The following VWC2L variants were observed in gnomAD, a reference collection of about 807,000 sequenced individuals.
The protein encoded by VWC2L is von Willebrand factor C domain containing 2 like.
VWC2L carries 10 observed loss-of-function variants against 21.6 expected under a neutral mutation model. The ratio of observed to expected loss-of-function variants is 0.46; its 90% confidence interval spans 0.29 to 0.78. The LOEUF (loss-of-function observed/expected upper bound fraction) is 0.78, where lower values mean the gene tolerates loss of function less well. Ranked by LOEUF, VWC2L falls within the 30% of genes least tolerant of loss-of-function variation. The pLI is 0.10. For missense variants in VWC2L, 209 were observed against 277.1 expected, an observed-to-expected ratio of 0.75 and a Z score of 1.74; for synonymous variants, 96 against 94.3, an observed-to-expected ratio of 1.02 and a Z score of -0.10.
At chr2:214,475,411 G>A (rs796163424) in intron 3 of VWC2L, among the ~76,000 whole-genome samples, 8 of 151,960 alleles carry the variant, frequency 5.3e-5, no homozygotes, top group African/African-American at 1.9e-4. Flanking sequence ...AAAGAAATGT[G>A]CTCTTGTCAT....
intron 3 of VWC2L, among the ~76,000 whole-genome samples, chr2:214,553,980 A>G (rs555907642): frequency 6.6e-6 from 1 of 152,230 alleles, no homozygotes; most frequent in African/African-American, 2.4e-5. Context: ...CTGGCACCCT[A>G]AGATCCCAGG....
intron 3 of VWC2L, among the ~76,000 whole-genome samples, chr2:214,574,140 TCAAAAA>T (rs1336415978): frequency 1.3e-5 from 2 of 152,090 alleles, no homozygotes; most frequent in African/African-American, 2.4e-5. Flanking sequence ...AGACTCCATC[TCAAAAA>T]CAATAACAAC....
chr2:214,557,025 A>G (rs1341084430), intron 3 of VWC2L, among the ~76,000 whole-genome samples: 2 of 152,188 alleles, frequency 1.3e-5, no homozygotes, highest in Non-Finnish European at 2.9e-5. Flanking sequence ...ACAGATAAGG[A>G]AACAGTGCGG....
intron 3 of VWC2L, among the ~76,000 whole-genome samples, chr2:214,502,988 C>T (rs4380235): frequency 0.87 from 132,916 of 152,200 alleles, 60,733 homozygotes; most frequent in Non-Finnish European, 1. Flanking sequence ...CTAAATAAGA[C>T]GGGAATGCTT....
chr2:214,543,995 C>T (rs1423466952), intron 3 of VWC2L, among the ~76,000 whole-genome samples: 2 of 152,150 alleles, frequency 1.3e-5, no homozygotes, highest in South Asian at 2.1e-4. Context: ...TTCTCTCTTA[C>T]GATTGTACTT....
chr2:214,496,512 TAGACC>T (rs1688815515), intron 3 of VWC2L, among the ~76,000 whole-genome samples: 2 of 152,122 alleles, frequency 1.3e-5, no homozygotes, highest in Non-Finnish European at 2.9e-5. Context: ...AGAACATTGA[TAGACC>T]TCCTAATTAA....
chr2:214,433,167 T>C lies in VWC2L; in HGVS notation c.391-3462T>C, dbSNP rs973724289. 7.4e-4 allele frequency among the ~76,000 whole-genome samples: 107 copies of C among 145,568 alleles called. 4 individuals carry two copies. The highest frequency in any genetic ancestry group is 2.6e-3 in the African/African-American group (103 of 39,818). ...AACTGCTCAAGCCACCTGATATATA[T>C]ATATATATATATATATTATATATAA... On this transcript the variant is annotated intron_variant, in intron 2 of 3. Transcript: ENST00000312504.
chr2:214,520,988 C>T (rs1448342007), intron 3 of VWC2L, among the ~76,000 whole-genome samples: 1 of 151,894 alleles, frequency 6.6e-6, no homozygotes, highest in African/African-American at 2.4e-5. Flanking sequence ...CTTTGGGAGG[C>T]TGAGGCGGGT....
chr2:214,490,967 A>G (rs1048449586), intron 3 of VWC2L, among the ~76,000 whole-genome samples: 4 of 152,194 alleles, frequency 2.6e-5, no homozygotes, highest in African/African-American at 9.6e-5. Flanking sequence ...TTCCATTTCT[A>G]TGACATTTCC....
chr2:214,507,610 G>C (rs748028962), intron 3 of VWC2L, among the ~76,000 whole-genome samples: 1 of 152,160 alleles, frequency 6.6e-6, no homozygotes, highest in Non-Finnish European at 1.5e-5. Context: ...CCAAAGTCCA[G>C]AGTTTGTGCC....
chr2:214,508,615 A>G (rs968736354), intron 3 of VWC2L, among the ~76,000 whole-genome samples: 4 of 152,064 alleles, frequency 2.6e-5, no homozygotes, highest in Non-Finnish European at 5.9e-5. Context: ...AGAGTTTCCA[A>G]TTTCCTTTTC....
intron 3 of VWC2L, among the ~76,000 whole-genome samples, chr2:214,559,331 T>C (rs1276424152): frequency 6.6e-6 from 1 of 152,134 alleles, no homozygotes; most frequent in East Asian, 1.9e-4. Flanking sequence ...CTATAGTTTT[T>C]TAAAAACAGT....
intron 3 of VWC2L, among the ~76,000 whole-genome samples, chr2:214,540,073 G>T (rs1049305112): frequency 2.5e-4 from 38 of 152,104 alleles, no homozygotes; most frequent in African/African-American, 8.9e-4. Flanking sequence ...GTTAATATTT[G>T]TTTGGTGAGA....
chr2:214,563,546 C>CAAAAAAAAAAAAAAAAAAAAAAA (rs55864016), intron 3 of VWC2L, among the ~76,000 whole-genome samples: 35 of 95,860 alleles, frequency 3.7e-4, no homozygotes, highest in African/African-American at 8.4e-4. Context: ...GACTCCGTCT[C>CAAAAAAAAAAAAAAAAAAAAAAA]AAAAAAAAAA....
chr2:214,517,259 T>C (rs564127182), intron 3 of VWC2L, among the ~76,000 whole-genome samples: 1 of 152,342 alleles, frequency 6.6e-6, no homozygotes, highest in Non-Finnish European at 1.5e-5. Context: ...TTCCTATGTA[T>C]GGGCATTACC....
chr2:214,544,463 G>A (rs546454597), intron 3 of VWC2L, among the ~76,000 whole-genome samples: 174 of 152,264 alleles, frequency 1.1e-3, no homozygotes, highest in African/African-American at 4.0e-3. Context: ...CCTTAGGCCT[G>A]GAGGTCTTTC....
At chr2:214,472,241 T>C (rs1703319920) in intron 3 of VWC2L, 1 of 152,184 alleles carries the variant, frequency 6.6e-6, no homozygotes, top group Non-Finnish European at 1.5e-5. Context: ...TGAAGCCACA[T>C]TTCCATTCCT....
intron 3 of VWC2L, among the ~76,000 whole-genome samples, chr2:214,544,672 C>T (rs1334848207): frequency 6.6e-6 from 1 of 152,094 alleles, no homozygotes; most frequent in African/African-American, 2.4e-5. Flanking sequence ...AAAGTCTCTT[C>T]CCCCCTCTGA....
At chr2:214,501,849 A>G (rs1688897059) in intron 3 of VWC2L, among the ~76,000 whole-genome samples, 1 of 152,026 alleles carries the variant, frequency 6.6e-6, no homozygotes, top group African/African-American at 2.4e-5. Flanking sequence ...ACCCTGCTGT[A>G]CAGGCCACGA....
Sources: gnomAD v4.1 joint callset for allele counts (sites outside exome capture counted in the v4.1 genomes callset) on GRCh38, gnomAD v4.1.1 for gene constraint, MANE v1.5 for transcripts, NCBI Gene and HGNC (gene_info 2026-07-23, HGNC 2026-07-21) for gene names.